The following CPNE5 variants were observed in gnomAD, a reference collection of about 807,000 sequenced individuals.
CPNE5 encodes the protein copine 5.
Under a neutral mutation model 81.1 loss-of-function variants are expected in CPNE5, and 42 were observed. That is an observed-to-expected ratio of 0.52 (90% CI 0.40 to 0.67). The LOEUF is 0.67. Among genes scored for constraint, CPNE5 ranks in the 30% least tolerant of loss-of-function variants. The pLI, the probability that CPNE5 is intolerant of heterozygous loss-of-function variation, is 0.00. For missense variants in CPNE5, 612 were observed against 815.5 expected (o/e 0.75, Z 3.04); for synonymous variants, 313 against 321.5 (o/e 0.97, Z 0.28).
rs772532251 is a variant in CPNE5, at chr6:36,756,314, G to A, written c.856-16C>T. ...GGTTTACCACCTGCAGGAAAAACCA[G>A]TTACCAGGTAAGGCATGCTTCCAGG... On this transcript the variant is annotated splice_polypyrimidine_tract_variant and intron_variant, in intron 12 of 20. Coordinates refer to ENST00000244751, the MANE Select transcript of CPNE5 (RefSeq NM_020939.2). The A allele has an allele frequency of 3.1e-6, 5 of 1,612,778 alleles. No homozygotes were observed. The highest frequency in any genetic ancestry group is 4.2e-6 in the Non-Finnish European group (5 of 1,179,086).
At chr6:36,796,636 C>T (rs529363275) in intron 6 of CPNE5, among the ~76,000 whole-genome samples, 3 of 152,234 alleles carry the variant, frequency 2.0e-5, no homozygotes, top group South Asian at 4.2e-4. Context: ...AGAAATAAGT[C>T]CTAAGAGGGA....
At chr6:36,753,184 C>A (rs1207036017) in intron 13 of CPNE5, 89 bp from the exon 14 acceptor site, 17 of 1,060,186 alleles carry the variant, frequency 1.6e-5, no homozygotes, top group Non-Finnish European at 2.5e-5. Context: ...ACAGAACACT[C>A]GGCATGTGCC....
At chr6:36,748,179 TC>T in intron 15 of CPNE5, 41 bp downstream of exon 15, 1 of 1,593,364 alleles carries the variant, frequency 6.3e-7, no homozygotes, top group Non-Finnish European at 8.6e-7. Context: ...CCTTAAAAGC[TC>T]TCTCCTCCCA....
intron 12 of CPNE5, among the ~76,000 whole-genome samples, chr6:36,761,654 G>A (rs1181410192): frequency 1.3e-5 from 2 of 152,212 alleles, no homozygotes; most frequent in Admixed American, 6.5e-5. Flanking sequence ...AGCAGATGGT[G>A]ACAGAAGACA....
intron 4 of CPNE5, among the ~76,000 whole-genome samples, chr6:36,798,795 C>A (rs1411404963): frequency 6.6e-6 from 1 of 152,122 alleles, no homozygotes; most frequent in Non-Finnish European, 1.5e-5. Flanking sequence ...ATGGAAAAAA[C>A]TAAATCAATG....
intron 1 of CPNE5, chr6:36,838,857 G>A (rs1463157848): frequency 6.2e-6 from 3 of 482,448 alleles, no homozygotes; most frequent in Non-Finnish European, 5.4e-6. Context: ...AAAGAGAGAA[G>A]AGAGGAGGGC....
chr6:36,813,524 C>T (rs1771285188), intron 3 of CPNE5, among the ~76,000 whole-genome samples: 1 of 152,184 alleles, frequency 6.6e-6, no homozygotes, highest in African/African-American at 2.4e-5. Context: ...GAGCAAGACT[C>T]CATCTCAAAC....
intron 2 of CPNE5, 25 bp from the exon 3 acceptor site, chr6:36,822,185 A>G: frequency 6.7e-7 from 1 of 1,483,154 alleles, no homozygotes; most frequent in Non-Finnish European, 9.1e-7. Flanking sequence ...GAAACAGTGG[A>G]TTAATACCTC....
chr6:36,749,294 T>C (rs1487997006), intron 14 of CPNE5, among the ~76,000 whole-genome samples: 2 of 152,102 alleles, frequency 1.3e-5, no homozygotes, highest in Admixed American at 1.3e-4. Context: ...ATTCAGGTGC[T>C]TGGGGGGAAT....
intron 10 of CPNE5, among the ~76,000 whole-genome samples, chr6:36,767,917 C>T (rs776766592): frequency 3.9e-5 from 6 of 152,222 alleles, no homozygotes; most frequent in Non-Finnish European, 8.8e-5. Flanking sequence ...AATACTGACA[C>T]CAATGTCTTA....
chr6:36,834,831 G>C (rs969335032), intron 1 of CPNE5, among the ~76,000 whole-genome samples: 1 of 152,020 alleles, frequency 6.6e-6, no homozygotes, highest in Non-Finnish European at 1.5e-5. Flanking sequence ...CCTAGCACTG[G>C]CTTTGACAGC....
intron 19 of CPNE5, 40 bp from the exon 20 acceptor site, chr6:36,743,802 C>A: frequency 3.9e-6 from 6 of 1,545,204 alleles, no homozygotes; most frequent in African/African-American, 1.4e-5. Context: ...GTGAGATTAA[C>A]GGTGGACCCC....
Position 36,766,186 on chromosome 6 carries a change from G to A in CPNE5, c.738-810C>T, listed in dbSNP as rs2150423296. Among the ~76,000 whole-genome samples, 1 of 152,276 alleles carries A rather than the reference G, an allele frequency of 6.6e-6. No homozygotes were observed. The highest frequency in any genetic ancestry group is 6.5e-5 in the Admixed American group (1 of 15,296). On this transcript the variant is annotated intron_variant, in intron 10 of 20. Transcript: ENST00000244751. This position sits in a 1 kb window ranked among gnomAD's most constrained non-coding sequence, Gnocchi z 4.2. The stretch of plus-strand genomic sequence containing the variant: ...GTTTGGGGAGGTGGGAAGGGCCTGG[G>A]GAGCTGGGGTCTTCAGCCTTCAGTT...
intron 4 of CPNE5, among the ~76,000 whole-genome samples, chr6:36,798,771 A>G (rs1214423027): frequency 6.6e-6 from 1 of 152,136 alleles, no homozygotes; most frequent in African/African-American, 2.4e-5. Context: ...TATATATGTT[A>G]TACCTCATTA....
At chr6:36,744,464 A>G (rs1763902609) in intron 18 of CPNE5, 139 bp from the exon 19 acceptor site, 1 of 696,470 alleles carries the variant, frequency 1.4e-6, no homozygotes, top group Non-Finnish European at 2.6e-6. Context: ...AGAGAAACAC[A>G]GAAAAGGGGG....
At chr6:36,752,433 C>T (rs1582729867) in intron 14 of CPNE5, 1 of 152,430 alleles carries the variant, frequency 6.6e-6, no homozygotes, top group Non-Finnish European at 1.5e-5. Flanking sequence ...ACCTGCTGGC[C>T]CCAGGACCAA....
intron 1 of CPNE5, among the ~76,000 whole-genome samples, chr6:36,831,416 C>G (rs1772978340): frequency 6.6e-6 from 1 of 151,750 alleles, no homozygotes; most frequent in Non-Finnish European, 1.5e-5. Flanking sequence ...TGCAGTGGTA[C>G]AATATCAGCT....
chr6:36,751,801 T>TAAATAAAATAAAATA (rs145461492), intron 14 of CPNE5, among the ~76,000 whole-genome samples: 20 of 151,146 alleles, frequency 1.3e-4, no homozygotes, highest in South Asian at 2.1e-4. Flanking sequence ...TCTCAAAAAA[T>TAAATAAAATAAAATA]AAATAAAATA....
At chr6:36,793,684 C>T (rs1769298162) in intron 7 of CPNE5, among the ~76,000 whole-genome samples, 1 of 152,160 alleles carries the variant, frequency 6.6e-6, no homozygotes, top group Admixed American at 6.5e-5. Flanking sequence ...CTCTACTCTC[C>T]AGGTGAATTA....
Sources: gnomAD v4.1 joint callset for allele counts (sites outside exome capture counted in the v4.1 genomes callset) on GRCh38, gnomAD v4.1.1 for gene constraint, Gnocchi (gnomAD v3.1) non-coding constraint, MANE v1.5 for transcripts, NCBI Gene and HGNC (gene_info 2026-07-23, HGNC 2026-07-21) for gene names.